Variants in TTBK1 observed in about 807,000 individuals in gnomAD.
TTBK1 encodes tau-tubulin kinase 1.
Under a neutral mutation model 108.5 loss-of-function variants are expected in TTBK1, and 34 were observed. The ratio of observed to expected loss-of-function variants is 0.31; its 90% CI spans 0.24 to 0.42. The LOEUF is 0.42. Among genes scored for constraint, TTBK1 ranks in the 10% least tolerant of loss-of-function variants. The probability of loss-of-function intolerance (pLI) is 1.00; values close to 1 mark genes in which losing one functional copy is unlikely to be tolerated. For synonymous variants in TTBK1, 809 were observed against 795.1 expected (o/e 1.02, Z -0.29); for missense variants, 1,539 against 1,826.0 (o/e 0.84, Z 2.86).
Position 43,282,902 on chromosome 6 carries a change from C to T in TTBK1, c.2162C>T (p.Pro721Leu). 1 of 1,613,874 alleles carries T rather than the reference C, an allele frequency of 6.2e-7. No individual in the cohort carries two copies. Among genetic ancestry groups the T allele is most frequent in the South Asian group, 1.1e-5 (1 of 91,028 alleles). ...ATGCTGCTCACCACCCCCCAGGTCC[C>T]ACTGGCTCCTGTTCAGCCTCAGGCT... ...SHMLLTTPQV[P>L]LAPVQPQANG... Residue 721 changes from proline to leucine, a missense_variant, in exon 14 of 15, where the codon CCA becomes CTA. By Grantham distance (98) the Pro-to-Leu change is moderately conservative (BLOSUM62 -3). This residue lies in a region of TTBK1 where 1,055 missense variants were observed against 1,086.5 expected (regional missense o/e 0.97). Coordinates refer to ENST00000259750, the MANE Select transcript of TTBK1 (RefSeq NM_032538.3). This position sits in a 1 kb window ranked among gnomAD's most constrained non-coding sequence, Gnocchi z 5.4.
intron 13 of TTBK1, among the ~76,000 whole-genome samples, chr6:43,275,567 G>C (rs6936690): frequency 6.7e-6 from 1 of 148,200 alleles, no homozygotes; most frequent in African/African-American, 2.5e-5. Flanking sequence ...CCTGACTCCC[G>C]TTACCTCACT....
At position 43,282,747 on chromosome 6, in the gene TTBK1, A is replaced by G; in HGVS notation, c.2007A>G (p.Pro669=). ...PQRQVFSVAP[P]FEVNGLPRAV... The stretch of plus-strand genomic sequence containing the variant: ...TGCAGGTGTTCTCCGTGGCGCCCCC[A>G]TTTGAGGTGAATGGCCTCCCACGAG... Residue 669 remains proline, a synonymous_variant, in exon 14 of 15, where the codon CCA becomes CCG. Coordinates refer to ENST00000259750, the MANE Select transcript of TTBK1 (RefSeq NM_032538.3). The surrounding 1 kb of genome is among the most constrained non-coding windows in gnomAD (Gnocchi z 5.4). 6.2e-7 allele frequency: 1 copy of G among 1,609,098 alleles called. No homozygotes were observed. The highest frequency in any genetic ancestry group is 8.5e-7 in the Non-Finnish European group (1 of 1,178,090).
intron 13 of TTBK1, among the ~76,000 whole-genome samples, chr6:43,267,839 G>A (rs1245862648): frequency 2.0e-5 from 3 of 152,172 alleles, no homozygotes; most frequent in Admixed American, 6.5e-5. Context: ...ACACTGCCCG[G>A]CAGCCACCAA....
intron 1 of TTBK1, among the ~76,000 whole-genome samples, chr6:43,246,195 C>T (rs1777080225): frequency 1.3e-5 from 2 of 152,184 alleles, no homozygotes. Context: ...CACTAAGCCT[C>T]TGTTGCACAG....
At chr6:43,247,324 G>A (rs950650448) in intron 2 of TTBK1, among the ~76,000 whole-genome samples, 1 of 152,188 alleles carries the variant, frequency 6.6e-6, no homozygotes, top group Non-Finnish European at 1.5e-5. Flanking sequence ...TCCAGCCCGG[G>A]GCTTCGGGCT....
In TTBK1 at chr6:43,283,953, C is replaced by A; in HGVS notation, c.3213C>A (p.Gly1071=). 1 of 1,612,610 alleles carries A rather than the reference C, an allele frequency of 6.2e-7. No individual in the cohort carries two copies. The highest frequency in any genetic ancestry group is 8.5e-7 in the Non-Finnish European group (1 of 1,179,276). The change falls in exon 14 of 15, where the codon GGC becomes GGA. Residue 1071 remains glycine, a synonymous_variant. Transcript: ENST00000259750. This position sits in a 1 kb window ranked among gnomAD's most constrained non-coding sequence, Gnocchi z 8.1. ...SEEDTGSEPS[G]SLSAKERWSK... ...AGGACACGGGCTCGGAGCCCTCAGG[C>A]TCACTGTCGGCCAAAGAGCGGTGGA...
chr6:43,286,626 C>T lies in TTBK1; in HGVS notation c.*1250C>T, dbSNP rs1778389461. 6.6e-6 allele frequency: 1 copy of T among 152,496 alleles called. No individual in the cohort carries two copies. The highest frequency in any genetic ancestry group is 2.4e-5 in the African/African-American group (1 of 41,448). The allele number at this position is 152,496 out of a possible 1,614,324, so 9.4% of individuals were successfully genotyped here. A position where few individuals can be genotyped will look rare whatever the true frequency, so the allele number is the denominator to read the frequency against. ...TATGCTTGAGTGATGGGTCCCCAGCCCAAGCCCACTCTTCCCTCAGCTCAC... is the reference window on the plus strand; with the variant it reads ...TATGCTTGAGTGATGGGTCCCCAGCTCAAGCCCACTCTTCCCTCAGCTCAC... On this transcript the variant is annotated 3_prime_UTR_variant, in exon 15 of 15. Transcript: ENST00000259750. The surrounding 1 kb of genome is among the most constrained non-coding windows in gnomAD (Gnocchi z 4.6).
chr6:43,249,583 T>G (rs1777184429), intron 2 of TTBK1, among the ~76,000 whole-genome samples: 1 of 152,024 alleles, frequency 6.6e-6, no homozygotes, highest in African/African-American at 2.4e-5. Context: ...TTTTTTTTAA[T>G]TTTATTTTTT....
rs1778347914 is a variant in TTBK1, at chr6:43,285,399, TCCCCCACCCTCA to T, written c.*28_*39del. ...TAATGACGCCCGCTGCTCTCCGCGG[TCCCCCACCCTCA>T]CCCCGGCCCCCCACCCGCAGCCGGC... is the stretch of plus-strand genomic sequence containing the variant. On this transcript the variant is annotated 3_prime_UTR_variant, in exon 15 of 15. Coordinates refer to ENST00000259750, the MANE Select transcript of TTBK1 (RefSeq NM_032538.3). The surrounding 1 kb of genome is among the most constrained non-coding windows in gnomAD (Gnocchi z 4.7). The T allele has an allele frequency of 7.9e-7, 1 of 1,258,716 alleles. No homozygotes were observed. The highest frequency in any genetic ancestry group is 1.6e-5 in the African/African-American group (1 of 64,306). The allele number at this position is 1,258,716 out of a possible 1,614,324, so 78.0% of individuals were successfully genotyped here. A position where few individuals can be genotyped will look rare whatever the true frequency, so the allele number is the denominator to read the frequency against.
intron 13 of TTBK1, among the ~76,000 whole-genome samples, chr6:43,266,662 G>T (rs1243119225): frequency 6.6e-6 from 1 of 151,774 alleles, no homozygotes. Flanking sequence ...TGTTCCCCAG[G>T]CTGGAGTGCA....
chr6:43,277,923 G>A (rs1045093854), intron 13 of TTBK1, among the ~76,000 whole-genome samples: 14 of 152,204 alleles, frequency 9.2e-5, no homozygotes, highest in African/African-American at 2.9e-4. Flanking sequence ...GAGAGAGGAG[G>A]AGGAACTGCT....
Position 43,263,122 on chromosome 6 carries a change from GCTGGGGGCAGAGCCCACCGTC to G in TTBK1, c.1760_1780del (p.Leu587_Val593del). On this transcript the variant is annotated inframe_deletion, in exon 13 of 15. Transcript: ENST00000259750. This position sits in a 1 kb window ranked among gnomAD's most constrained non-coding sequence, Gnocchi z 4.7. The stretch of plus-strand genomic sequence containing the variant: ...CCGAGGAGGGCGAAGAGCGGCGGCG[GCTGGGGGCAGAGCCCACCGTC>G]CGGCCCCGGGGACGCAGCATGCAGG... The G allele has an allele frequency of 1.3e-6, 2 of 1,567,016 alleles. No homozygotes were observed. Among genetic ancestry groups the G allele is most frequent in the Non-Finnish European group, 1.7e-6 (2 of 1,155,104 alleles).
chr6:43,249,957 A>G (rs1777193095), intron 2 of TTBK1, among the ~76,000 whole-genome samples: 1 of 149,954 alleles, frequency 6.7e-6, no homozygotes, highest in Admixed American at 6.7e-5. Context: ...TGTCTCATGG[A>G]TAAGTCAGCC....
intron 10 of TTBK1, among the ~76,000 whole-genome samples, chr6:43,258,340 G>C (rs2150690499): frequency 6.6e-6 from 1 of 152,250 alleles, no homozygotes; most frequent in Middle Eastern, 3.4e-3. Context: ...GCTGAGTCTG[G>C]GATGTTTGAA....
chr6:43,283,305 C>T lies in TTBK1; in HGVS notation c.2565C>T (p.Pro855=), dbSNP rs775013638. ...CGCCCGTCACTGCCGAACTGGCCCCCGACCCCGACCTGGGCACCCTGGCTG... is the reference window on the plus strand; with the variant it reads ...CGCCCGTCACTGCCGAACTGGCCCCTGACCCCGACCTGGGCACCCTGGCTG... ...KKSPVTAELA[P]DPDLGTLAAL... The change falls in exon 14 of 15, where the codon CCC becomes CCT. Residue 855 remains proline, a synonymous_variant. Coordinates refer to ENST00000259750, the MANE Select transcript of TTBK1 (RefSeq NM_032538.3). This position sits in a 1 kb window ranked among gnomAD's most constrained non-coding sequence, Gnocchi z 8.1. 2.0e-5 allele frequency: 32 copies of T among 1,576,018 alleles called. No homozygotes were observed. The highest frequency in any genetic ancestry group is 1.7e-4 in the Middle Eastern group (1 of 5,844).
intron 13 of TTBK1, among the ~76,000 whole-genome samples, chr6:43,267,228 A>C (rs1777705378): frequency 6.6e-6 from 1 of 152,178 alleles, no homozygotes; most frequent in Non-Finnish European, 1.5e-5. Context: ...GTAGAGGAGC[A>C]GGGAGAAATG....
chr6:43,271,637 G>A (rs939609320), intron 13 of TTBK1: 5 of 985,166 alleles, frequency 5.1e-6, no homozygotes, highest in African/African-American at 1.7e-5. Flanking sequence ...AAGTGTGGTG[G>A]GCAGTGCCCT....
At chr6:43,252,146 G>A (rs1387644943) in intron 2 of TTBK1, among the ~76,000 whole-genome samples, 6 of 151,628 alleles carry the variant, frequency 4.0e-5, no homozygotes, top group Non-Finnish European at 8.8e-5. Flanking sequence ...GTCTATACGG[G>A]GTCACAGGTC....
intron 13 of TTBK1, among the ~76,000 whole-genome samples, chr6:43,275,633 A>G (rs1777961482): frequency 7.1e-6 from 1 of 140,106 alleles, no homozygotes; most frequent in Admixed American, 7.4e-5. Context: ...ATTGGATGCC[A>G]AAGAGCCCAG....
Sources: gnomAD v4.1 joint callset for allele counts (sites outside exome capture counted in the v4.1 genomes callset) on GRCh38, gnomAD v4.1.1 for gene constraint, gnomAD v4.1.1 regional missense constraint, Gnocchi (gnomAD v3.1) non-coding constraint, MANE v1.5 for transcripts, NCBI Gene and HGNC (gene_info 2026-07-23, HGNC 2026-07-21) for gene names.